Variants in ESPL1 observed in about 807,000 individuals in gnomAD.
ESPL1 encodes extra spindle pole bodies like 1, separase.
A neutral mutation model predicts 217.2 loss-of-function variants in ESPL1; 50 were observed. That is an observed-to-expected ratio of 0.23 (90% CI 0.18 to 0.29). The LOEUF is 0.29. Among genes scored for constraint, ESPL1 ranks in the 10% least tolerant of loss-of-function variants. The probability of loss-of-function intolerance (pLI) is 1.00; values close to 1 mark genes in which losing one functional copy is unlikely to be tolerated. For synonymous variants in ESPL1, 994 were observed against 1,081.3 expected (o/e 0.92, Z 1.58); for missense variants, 1,834 against 2,603.0 (o/e 0.70, Z 6.43).
intron 1 of ESPL1, 129 bp from the exon 2 acceptor site, chr12:53,268,626 T>C (rs1319745053): frequency 3.3e-6 from 2 of 615,016 alleles, no homozygotes; most frequent in Non-Finnish European, 5.7e-6. Context: ...CACGGCGTCC[T>C]GGCGTGGGTT....
At chr12:53,278,834 C>T (rs1316218793) in intron 11 of ESPL1, among the ~76,000 whole-genome samples, 1 of 152,078 alleles carries the variant, frequency 6.6e-6, no homozygotes. Flanking sequence ...GATCCACCCG[C>T]CTCAGCCTCC....
At position 53,293,200 on chromosome 12, in the gene ESPL1, A is replaced by C; in HGVS notation, c.6162-73A>C. The C allele has an allele frequency of 1.5e-6, 2 of 1,311,746 alleles. No individual in the cohort carries two copies. Among genetic ancestry groups the C allele is most frequent in the Non-Finnish European group, 2.2e-6 (2 of 909,364 alleles). 81.3% of individuals were successfully genotyped at this position (1,311,746 alleles called of 1,614,324 possible). A position where few individuals can be genotyped will look rare whatever the true frequency, so the allele number is the denominator to read the frequency against. On this transcript the variant is annotated intron_variant, in intron 30 of 30. Transcript: ENST00000257934. The surrounding 1 kb of genome is among the most constrained non-coding windows in gnomAD (Gnocchi z 4.2). ...CAATCCTCTCCACTCACCCACCCCC[A>C]CCACCAATGGTGTTTTCCTATGTAT...
intron 1 of ESPL1, among the ~76,000 whole-genome samples, 158 bp from the exon 2 acceptor site, chr12:53,268,597 C>T (rs1943609348): frequency 6.6e-6 from 1 of 152,076 alleles, no homozygotes; most frequent in Non-Finnish European, 1.5e-5. Context: ...AGAGCGGAAT[C>T]GTCCTTTTAT....
In ESPL1 at chr12:53,281,603, C is replaced by T; in HGVS notation, c.2596C>T (p.Gln866Ter). 1 of 1,613,794 alleles carries T rather than the reference C, an allele frequency of 6.2e-7. No individual in the cohort carries two copies. The highest frequency in any genetic ancestry group is 8.5e-7 in the Non-Finnish European group (1 of 1,179,734). ...LSLTCDLLRSQLYWTHQKVTK... is the reference protein window; with the variant it reads ...LSLTCDLLRS ...CCTGACCTGTGATCTGCTTCGAAGTCAACTCTACTGGACTCACCAGAAGGT... is the reference window on the plus strand; with the variant it reads ...CCTGACCTGTGATCTGCTTCGAAGTTAACTCTACTGGACTCACCAGAAGGT... The change falls in exon 13 of 31, where the codon CAA becomes TAA. Residue 866 changes from glutamine (Q) to a stop codon, truncating the protein, a stop_gained. Coordinates refer to ENST00000257934, the MANE Select transcript of ESPL1 (RefSeq NM_012291.5). LOFTEE classifies it high-confidence loss of function.
chr12:53,284,762 C>T (rs1015880249), intron 17 of ESPL1, among the ~76,000 whole-genome samples: 2 of 150,890 alleles, frequency 1.3e-5, no homozygotes, highest in African/African-American at 4.9e-5. Context: ...GCCTGTAATC[C>T]TAGCACTTTG....
intron 24 of ESPL1, 125 bp downstream of exon 24, chr12:53,290,594 C>G (rs1394158032): frequency 1.0e-6 from 1 of 958,980 alleles, no homozygotes; most frequent in East Asian, 2.8e-5. Context: ...AAGTGTAGAC[C>G]TAAATTTAAA....
At position 53,279,749 on chromosome 12, in the gene ESPL1, G is replaced by A. The variant is rs764727371; in HGVS notation, c.2382G>A (p.Glu794=). The part of the protein sequence containing the change: ...QLVAKPMQAL[E]VLLLLRIVSE... ...CTGACCAGCCCATGCAGGCTCTGGA[G>A]GTCCTCCTGCTGCTACGGATTGTCT... is the stretch of plus-strand genomic sequence containing the variant. Residue 794 remains glutamate, a synonymous_variant, in exon 12 of 31, where the codon GAG becomes GAA. Transcript: ENST00000257934. 2 of 1,614,060 alleles carry A rather than the reference G, an allele frequency of 1.2e-6. No individual in the cohort carries two copies. Among genetic ancestry groups the A allele is most frequent in the East Asian group, 2.2e-5 (1 of 44,884 alleles).
intron 12 of ESPL1, among the ~76,000 whole-genome samples, chr12:53,280,534 A>G (rs1354234437): frequency 6.6e-6 from 1 of 152,062 alleles, no homozygotes; most frequent in African/African-American, 2.4e-5. Flanking sequence ...ACACCTGGCT[A>G]ATTTTTAAAT....
At chr12:53,272,491 G>T (rs1943693351) in intron 5 of ESPL1, among the ~76,000 whole-genome samples, 2 of 152,136 alleles carry the variant, frequency 1.3e-5, no homozygotes, top group Non-Finnish European at 2.9e-5. Context: ...GGCAGGAGGG[G>T]GTCTCGTTTG....
At position 53,279,837 on chromosome 12, in the gene ESPL1, C is replaced by T. The variant is rs1943832156; in HGVS notation, c.2470C>T (p.Leu824=). The T allele has an allele frequency of 6.2e-7, 1 of 1,608,088 alleles. No homozygotes were observed. The highest frequency in any genetic ancestry group is 1.3e-5 in the African/African-American group (1 of 74,770). ...GSSCHITQLL[L]TLGCPSYAQL... ...CTCCTGCCACATCACCCAGCTCCTCCTGACCCTCGGCTGTCCCAGCTATGC... is the reference window on the plus strand; with the variant it reads ...CTCCTGCCACATCACCCAGCTCCTCTTGACCCTCGGCTGTCCCAGCTATGC... Residue 824 remains leucine, a synonymous_variant, in exon 12 of 31, where the codon CTG becomes TTG. Coordinates refer to ENST00000257934, the MANE Select transcript of ESPL1 (RefSeq NM_012291.5).
Position 53,289,206 on chromosome 12 carries a change from G to A in ESPL1, c.4825G>A (p.Gly1609Ser). The A allele has an allele frequency of 6.2e-7, 1 of 1,613,848 alleles. No homozygotes were observed. The highest frequency in any genetic ancestry group is 8.5e-7 in the Non-Finnish European group (1 of 1,180,016). Residue 1609 changes from glycine to serine, a missense_variant, in exon 21 of 31, where the codon GGC becomes AGC. Gly to Ser is a moderately conservative substitution (Grantham distance 56). Transcript: ENST00000257934. Reference protein sequence around the residue: ...HLCRFLALCLGHRDPYATAFL... With the variant: ...HLCRFLALCLSHRDPYATAFL... ...CTGCCGCTTCCTGGCCTTGTGCCTG[G>A]GCCACCGGGATCCTTATGCCACTGC...
At chr12:53,285,657 T>C (rs1394976105) in intron 17 of ESPL1, among the ~76,000 whole-genome samples, 4 of 150,776 alleles carry the variant, frequency 2.7e-5, no homozygotes, top group African/African-American at 4.9e-5. Context: ...TGCAGTGAGC[T>C]GAGATTGTGC....
At position 53,288,069 on chromosome 12, in the gene ESPL1, G is replaced by A. The variant is rs1486281898; in HGVS notation, c.4274G>A (p.Arg1425Gln). Residue 1425 changes from arginine (R) to glutamine (Q), a missense_variant, in exon 19 of 31, where the codon CGG (arginine) becomes CAG (glutamine). By Grantham distance (43) the Arg-to-Gln change is conservative. Transcript: ENST00000257934. Reference sequence around the variant, plus strand: ...AGACGGGGCACTGCTTCCCGGGGCCGGGGGCGAGCAAGGAAGGGCCTGAGC... The same window carrying A: ...AGACGGGGCACTGCTTCCCGGGGCCAGGGGCGAGCAAGGAAGGGCCTGAGC... ...PKRRGTASRG[R>Q]GRARKGLSLK... 28 of 1,613,540 alleles carry A rather than the reference G, an allele frequency of 1.7e-5. No individual in the cohort carries two copies. Among genetic ancestry groups the A allele is most frequent in the South Asian group, 4.4e-5 (4 of 91,058 alleles).
chr12:53,289,064 T>C (rs780440288), intron 20 of ESPL1, 26 bp from the exon 21 acceptor site: 38 of 1,549,732 alleles, frequency 2.5e-5, no homozygotes, highest in Non-Finnish European at 3.3e-5. Context: ...AATTCAGCTG[T>C]ACCAAGTGTC....
At position 53,282,981 on chromosome 12, in the gene ESPL1, G is replaced by T. The variant is rs558058942; in HGVS notation, c.2792-148G>T. On this transcript the variant is annotated intron_variant, in intron 14 of 30. Transcript: ENST00000257934. This position sits in a 1 kb window ranked among gnomAD's most constrained non-coding sequence, Gnocchi z 4.0. ...CTGAAAGGATTCTGAGACCCCAGGGGATCTCAGAGGGAAGGAGTTATGAGA... is the reference window on the plus strand; with the variant it reads ...CTGAAAGGATTCTGAGACCCCAGGGTATCTCAGAGGGAAGGAGTTATGAGA... The T allele has an allele frequency of 8.8e-6, 9 of 1,017,834 alleles. No homozygotes were observed. The Admixed American group carries it at 1.9e-4, about 22-fold the overall frequency. The allele number at this position is 1,017,834 out of a possible 1,614,324, so 63.1% of individuals were successfully genotyped here.
intron 24 of ESPL1, 101 bp downstream of exon 24, chr12:53,290,570 C>A: frequency 8.0e-7 from 1 of 1,248,518 alleles, no homozygotes; most frequent in Non-Finnish European, 1.1e-6. Context: ...AAAGCCACTT[C>A]AAATCCCTTC....
intron 3 of ESPL1, 85 bp from the exon 4 acceptor site, chr12:53,270,293 A>G (rs1943645889): frequency 9.3e-7 from 1 of 1,079,792 alleles, no homozygotes; most frequent in Admixed American, 1.7e-5. Flanking sequence ...GGGCTCTGTC[A>G]GCTCTCCAGG....
In ESPL1 at chr12:53,282,530, AT is replaced by A; in HGVS notation, c.2791+96del. The A allele has an allele frequency of 8.4e-7, 1 of 1,196,440 alleles. No homozygotes were observed. The highest frequency in any genetic ancestry group is 1.2e-6 in the Non-Finnish European group (1 of 835,486). 74.1% of individuals were successfully genotyped at this position (1,196,440 alleles called of 1,614,324 possible). A position where few individuals can be genotyped will look rare whatever the true frequency, so the allele number is the denominator to read the frequency against. ...ACCTCATCCCCTCTGCTGGCTAACT[AT>A]GTGGCCCAGCCTACCTAGAACCTGC... On this transcript the variant is annotated intron_variant, in intron 14 of 30. Coordinates refer to ENST00000257934, the MANE Select transcript of ESPL1 (RefSeq NM_012291.5). This position sits in a 1 kb window ranked among gnomAD's most constrained non-coding sequence, Gnocchi z 4.0.
intron 13 of ESPL1, among the ~76,000 whole-genome samples, chr12:53,281,927 T>C (rs897971213): frequency 1.3e-4 from 20 of 152,192 alleles, no homozygotes; most frequent in African/African-American, 4.6e-4. Flanking sequence ...ATCCAGGGGA[T>C]GGCAAAGACT....
Sources: allele counts gnomAD v4.1 joint callset (sites outside exome capture counted in the v4.1 genomes callset), GRCh38; gene constraint gnomAD v4.1.1; non-coding constraint Gnocchi (gnomAD v3.1); transcripts MANE v1.5; gene names NCBI Gene and HGNC (gene_info 2026-07-23, HGNC 2026-07-21).